The following INPP5F variants were observed in gnomAD, a reference collection of about 807,000 sequenced individuals.
INPP5F encodes inositol polyphosphate-5-phosphatase F.
In INPP5F, 97 loss-of-function variants were observed where a neutral mutation model predicts 137.2. The observed-to-expected ratio is 0.71, with a 90% CI of 0.60 to 0.84. The LOEUF is 0.84. Ranked by LOEUF, INPP5F falls within the 40% of genes least tolerant of loss-of-function variation. The pLI is 0.00. For synonymous variants in INPP5F, 504 were observed against 476.9 expected (o/e 1.06, Z -0.74); for missense variants, 1,271 against 1,371.9 (o/e 0.93, Z 1.16).
chr10:119,808,990 G>A (rs1413082875), intron 13 of INPP5F, among the ~76,000 whole-genome samples: 3 of 152,176 alleles, frequency 2.0e-5, no homozygotes, highest in Non-Finnish European at 4.4e-5. Context: ...TTAGGAGGCT[G>A]AGGCGGGTGG....
chr10:119,826,032 C>CAT (rs1851744465), intron 19 of INPP5F: 1 of 398,456 alleles, frequency 2.5e-6, no homozygotes, highest in Non-Finnish European at 4.4e-6. Flanking sequence ...ACCCACAGGA[C>CAT]ATATAAGAAA....
At chr10:119,771,964 C>T (rs1266047315) in intron 2 of INPP5F, among the ~76,000 whole-genome samples, 4 of 130,560 alleles carry the variant, frequency 3.1e-5, no homozygotes, top group East Asian at 2.4e-4. Flanking sequence ...GGCGCGATCT[C>T]GGCTCACTGC....
At chr10:119,771,867 TA>T (rs1849355903) in intron 2 of INPP5F, among the ~76,000 whole-genome samples, 4 of 14,830 alleles carry the variant, frequency 2.7e-4, no homozygotes, top group East Asian at 9.6e-4. Context: ...TATATATATA[TA>T]TATATATATA....
chr10:119,779,882 C>T (rs1214428719), intron 2 of INPP5F, among the ~76,000 whole-genome samples: 1 of 151,904 alleles, frequency 6.6e-6, no homozygotes, highest in Non-Finnish European at 1.5e-5. Flanking sequence ...TTCTTTTTAC[C>T]CTTATTTAAC....
At chr10:119,772,796 T>C (rs898803620) in intron 2 of INPP5F, among the ~76,000 whole-genome samples, 3 of 151,990 alleles carry the variant, frequency 2.0e-5, no homozygotes, top group Non-Finnish European at 2.9e-5. Context: ...CAGGCTGGAG[T>C]GCAGTGGCGC....
intron 2 of INPP5F, among the ~76,000 whole-genome samples, chr10:119,758,221 G>A (rs1848907644): frequency 6.6e-6 from 1 of 152,214 alleles, no homozygotes; most frequent in African/African-American, 2.4e-5. Context: ...CTAACTGGGT[G>A]GAGCTGGTGC....
chr10:119,792,615 A>C (rs116028486), intron 6 of INPP5F, among the ~76,000 whole-genome samples: 2 of 103,712 alleles, frequency 1.9e-5, no homozygotes, highest in African/African-American at 3.7e-5. Context: ...TCTGTTTTCT[A>C]TCTGGGAATT....
At position 119,823,869 on chromosome 10, in the gene INPP5F, C is replaced by A; in HGVS notation, c.2216C>A (p.Ser739Ter). The change falls in exon 19 of 20, where the codon TCG becomes TAG. Residue 739 changes from serine to a stop codon, truncating the protein, a stop_gained. Coordinates refer to ENST00000650623, the MANE Select transcript of INPP5F (RefSeq NM_014937.4). LOFTEE classifies it high-confidence loss of function. The part of the protein sequence containing the change: ...MLQITKQAMG[S>*]DLPIIEKKLE... ...CAGATCACCAAGCAAGCCATGGGAT[C>A]GGATTTACCCATAATTGAGAAGAAA... is the stretch of plus-strand genomic sequence containing the variant. 1.2e-6 allele frequency: 2 copies of A among 1,613,776 alleles called. No homozygotes were observed. Among genetic ancestry groups the A allele is most frequent in the Non-Finnish European group, 1.7e-6 (2 of 1,179,844 alleles).
Position 119,827,383 on chromosome 10 carries a change from CAG to C in INPP5F, c.3004_3005del (p.Glu1002IlefsTer27). 6.2e-7 allele frequency: 1 copy of C among 1,614,214 alleles called. No homozygotes were observed. Among genetic ancestry groups the C allele is most frequent in the African/African-American group, 1.3e-5 (1 of 75,050 alleles). On this transcript the variant is annotated frameshift_variant, in exon 20 of 20. Coordinates refer to ENST00000650623, the MANE Select transcript of INPP5F (RefSeq NM_014937.4). LOFTEE classifies it high-confidence loss of function. ...AATCAAGTTTCAAATGAAACCCAATCAGAATCAACAGAACAGACACCTTCTCG... is the reference window on the plus strand; with the variant it reads ...AATCAAGTTTCAAATGAAACCCAATCAATCAACAGAACAGACACCTTCTCG...
At chr10:119,798,425 A>C in intron 8 of INPP5F, 118 bp from the exon 9 acceptor site, 2 of 659,326 alleles carry the variant, frequency 3.0e-6, no homozygotes, top group Admixed American at 2.8e-5. Context: ...GGTTTTAGAC[A>C]ATCTTAGTTC....
intron 1 of INPP5F, among the ~76,000 whole-genome samples, chr10:119,727,854 A>G (rs1039720011): frequency 2.6e-5 from 4 of 151,998 alleles, no homozygotes; most frequent in Non-Finnish European, 4.4e-5. Flanking sequence ...CACTCCCCCA[A>G]ATTTGGGTAA....
In INPP5F at chr10:119,827,243, GCCT is replaced by G; in HGVS notation, c.2863_2865del (p.Pro955del). 6.2e-7 allele frequency: 1 copy of G among 1,614,138 alleles called. No homozygotes were observed. Among genetic ancestry groups the G allele is most frequent in the Non-Finnish European group, 8.5e-7 (1 of 1,180,030 alleles). ...TACACATATTGACTGGCTTTGCCAA[GCCT>G]ATGGATATTTACTGCCACAGATTTG... On this transcript the variant is annotated inframe_deletion, in exon 20 of 20. Transcript: ENST00000650623.
At chr10:119,823,301 A>G (rs1251004783) in intron 18 of INPP5F, 102 bp downstream of exon 18, 3 of 1,120,974 alleles carry the variant, frequency 2.7e-6, no homozygotes, top group Non-Finnish European at 3.8e-6. Flanking sequence ...CAACTGAATG[A>G]GAGAGGGTCC....
intron 18 of INPP5F, 45 bp downstream of exon 18, chr10:119,823,244 T>C: frequency 1.3e-6 from 2 of 1,591,304 alleles, no homozygotes; most frequent in Non-Finnish European, 1.7e-6. Flanking sequence ...AACTTTCTAT[T>C]TATTCTTAAA....
intron 1 of INPP5F, among the ~76,000 whole-genome samples, chr10:119,738,122 A>G (rs557259365): frequency 1.1e-3 from 161 of 152,348 alleles, no homozygotes; most frequent in African/African-American, 3.6e-3. Context: ...AATGGATCTG[A>G]AATAAGAGTG....
chr10:119,788,474 G>T (rs1045004161), intron 3 of INPP5F, among the ~76,000 whole-genome samples: 4 of 152,174 alleles, frequency 2.6e-5, no homozygotes, highest in Non-Finnish European at 5.9e-5. Flanking sequence ...AGAGATTGTT[G>T]TCATGGGGAC....
intron 6 of INPP5F, among the ~76,000 whole-genome samples, chr10:119,795,032 C>G (rs1273104076): frequency 7.3e-6 from 1 of 137,704 alleles, no homozygotes; most frequent in Non-Finnish European, 1.6e-5. Flanking sequence ...GGGGGCTGAC[C>G]CCCCCACCTC....
intron 1 of INPP5F, among the ~76,000 whole-genome samples, chr10:119,728,405 C>T (rs1485671645): frequency 6.6e-6 from 1 of 152,094 alleles, no homozygotes; most frequent in Non-Finnish European, 1.5e-5. Context: ...CTTTTCAGAT[C>T]TTTTTCTGTA....
chr10:119,774,261 CAA>C (rs572329987), intron 2 of INPP5F, among the ~76,000 whole-genome samples: 27,598 of 80,630 alleles, frequency 0.34, 1,848 homozygotes, highest in Non-Finnish European at 0.39. Context: ...ACTCAGTCTC[CAA>C]AAAAAAAAAA....
Sources: gnomAD v4.1 joint callset for allele counts (sites outside exome capture counted in the v4.1 genomes callset) on GRCh38, gnomAD v4.1.1 for gene constraint, MANE v1.5 for transcripts, NCBI Gene and HGNC (gene_info 2026-07-23, HGNC 2026-07-21) for gene names.